The following MORC1 variants were observed in gnomAD, a reference collection of about 807,000 sequenced individuals.
MORC1 encodes MORC family CW-type zinc finger 1.
In MORC1, 59 loss-of-function variants were observed where a neutral mutation model predicts 134.9. The observed-to-expected ratio is 0.44, with a 90% CI of 0.35 to 0.54. The LOEUF (loss-of-function observed/expected upper bound fraction) is 0.54. Among genes scored for constraint, MORC1 ranks in the 20% least tolerant of loss-of-function variants. The pLI, the probability that MORC1 is intolerant of heterozygous loss-of-function variation, is 0.00. For missense variants in MORC1, 947 were observed against 1,134.5 expected (o/e 0.83, Z 2.37); for synonymous variants, 395 against 391.7 (o/e 1.01, Z -0.10).
chr3:109,017,535 A>G (rs1948844743), intron 17 of MORC1, among the ~76,000 whole-genome samples: 1 of 152,240 alleles, frequency 6.6e-6, no homozygotes, highest in African/African-American at 2.4e-5. Context: ...ACTAATAGAT[A>G]CATTTCAACT....
intron 14 of MORC1, among the ~76,000 whole-genome samples, chr3:109,046,818 A>G (rs971398146): frequency 6.6e-6 from 1 of 152,224 alleles, no homozygotes; most frequent in Admixed American, 6.5e-5. Context: ...TATCCATTTC[A>G]CACAGCTACC....
At chr3:109,048,946 C>T (rs1949756741) in intron 14 of MORC1, among the ~76,000 whole-genome samples, 1 of 152,060 alleles carries the variant, frequency 6.6e-6, no homozygotes, top group African/African-American at 2.4e-5. Flanking sequence ...CAGCCTATAA[C>T]ACCATAATAA....
intron 12 of MORC1, among the ~76,000 whole-genome samples, 191 bp from the exon 13 acceptor site, chr3:109,057,677 T>C (rs1230254892): frequency 1.4e-5 from 2 of 143,966 alleles, no homozygotes; most frequent in East Asian, 1.9e-4. Context: ...CCAGTAACTA[T>C]GCCAGTCAAA....
intron 9 of MORC1, among the ~76,000 whole-genome samples, chr3:109,065,450 G>A (rs1043072971): frequency 5.9e-5 from 9 of 152,108 alleles, no homozygotes; most frequent in Non-Finnish European, 1.2e-4. Flanking sequence ...GATATCTCCT[G>A]TGTTTTTTTT....
At chr3:109,030,200 C>T (rs4553978) in intron 16 of MORC1, among the ~76,000 whole-genome samples, 64,236 of 152,050 alleles carry the variant, frequency 0.42, 14,284 homozygotes, top group Middle Eastern at 0.55. Flanking sequence ...CTGCTACTCA[C>T]AGACTATTCC....
intron 23 of MORC1, among the ~76,000 whole-genome samples, chr3:108,982,939 T>G (rs1394125676): frequency 3.3e-4 from 17 of 52,090 alleles, no homozygotes; most frequent in South Asian, 1.1e-3. Context: ...CTAGTTTTGG[T>G]TTTTTTTTAA....
intron 2 of MORC1, among the ~76,000 whole-genome samples, chr3:109,111,191 C>A (rs1951162485): frequency 2.0e-5 from 3 of 150,314 alleles, no homozygotes; most frequent in Admixed American, 1.3e-4. Context: ...TTTTAAAGAA[C>A]ATACATGGAA....
chr3:109,028,863 G>A (rs978237190), intron 16 of MORC1, among the ~76,000 whole-genome samples: 3 of 152,170 alleles, frequency 2.0e-5, no homozygotes, highest in African/African-American at 7.2e-5. Flanking sequence ...AGACGCTGAG[G>A]TCAGTTCTTC....
intron 21 of MORC1, among the ~76,000 whole-genome samples, chr3:108,993,853 T>C (rs1304374398): frequency 6.6e-6 from 1 of 152,224 alleles, no homozygotes; most frequent in Non-Finnish European, 1.5e-5. Flanking sequence ...TGATTCGCTA[T>C]CATGTAGTAC....
chr3:108,998,526 G>C (rs1324581603), intron 21 of MORC1, among the ~76,000 whole-genome samples: 2 of 152,066 alleles, frequency 1.3e-5, no homozygotes. Context: ...TTAGCACTGA[G>C]TGCCTTCCTT....
chr3:109,095,027 T>A lies in MORC1; in HGVS notation c.465A>T (p.Glu155Asp). 2.5e-6 allele frequency: 4 copies of A among 1,591,740 alleles called. No individual in the cohort carries two copies. The highest frequency in any genetic ancestry group is 3.4e-6 in the Non-Finnish European group (4 of 1,173,768). The change falls in exon 7 of 28, where the codon GAA becomes GAT. Residue 155 changes from glutamate to aspartate, a missense_variant. By Grantham distance (45) the Glu-to-Asp change is conservative (BLOSUM62 2). Around this residue, in one of 3 missense-constraint regions of MORC1, gnomAD observed 214 missense variants for 281.3 expected, o/e 0.76. Coordinates refer to ENST00000232603, the MANE Select transcript of MORC1 (RefSeq NM_014429.4). Reference protein sequence around the residue: ...PMPSWLIRTRESVTDDPQKFA... With the variant: ...PMPSWLIRTRDSVTDDPQKFA... ...ATTTCTGGGGATCATCTGTGACAGA[T>A]TCTCTGGTTCTTATTAACCATGAGG...
intron 21 of MORC1, among the ~76,000 whole-genome samples, chr3:108,999,899 T>C (rs1396524207): frequency 2.0e-5 from 3 of 152,184 alleles, no homozygotes; most frequent in African/African-American, 4.8e-5. Context: ...GAAAGGACAC[T>C]ATATAACATA....
intron 22 of MORC1, 23 bp downstream of exon 22, chr3:108,986,857 T>C (rs773385564): frequency 2.1e-6 from 3 of 1,434,132 alleles, no homozygotes; most frequent in South Asian, 1.3e-5. Flanking sequence ...TATATATATA[T>C]ACATGAGCTG....
intron 6 of MORC1, 83 bp downstream of exon 6, chr3:109,099,275 C>A: frequency 1.1e-6 from 1 of 923,310 alleles, no homozygotes. Context: ...CAGAAAGAAC[C>A]CATGACAAGA....
chr3:109,091,172 G>A (rs879943337), intron 8 of MORC1, among the ~76,000 whole-genome samples: 7 of 152,062 alleles, frequency 4.6e-5, no homozygotes, highest in South Asian at 2.1e-4. Flanking sequence ...GGCCAGGTGC[G>A]GTGGCTCATG....
intron 21 of MORC1, among the ~76,000 whole-genome samples, chr3:108,993,318 C>T (rs140852051): frequency 1.3e-5 from 2 of 152,264 alleles, no homozygotes; most frequent in East Asian, 3.9e-4. Flanking sequence ...GACTTTAGCA[C>T]TTGAATATTT....
chr3:109,107,185 T>C (rs956610476), intron 3 of MORC1, among the ~76,000 whole-genome samples: 11 of 152,218 alleles, frequency 7.2e-5, no homozygotes, highest in Non-Finnish European at 1.5e-4. Context: ...CATATCAGAC[T>C]TCTTTTAGGA....
At chr3:108,965,509 G>T (rs1464870315) in intron 26 of MORC1, among the ~76,000 whole-genome samples, 2 of 152,170 alleles carry the variant, frequency 1.3e-5, no homozygotes, top group Admixed American at 6.5e-5. Flanking sequence ...TGGAAGGCCT[G>T]AGTGGATATG....
chr3:109,098,349 T>C (rs185686130), intron 6 of MORC1, among the ~76,000 whole-genome samples: 1 of 152,366 alleles, frequency 6.6e-6, no homozygotes, highest in African/African-American at 2.4e-5. Flanking sequence ...CAATTTTCCA[T>C]GCCCTTTACA....
Sources: gnomAD v4.1 joint callset for allele counts (sites outside exome capture counted in the v4.1 genomes callset) on GRCh38, gnomAD v4.1.1 for gene constraint, gnomAD v4.1.1 regional missense constraint, MANE v1.5 for transcripts, NCBI Gene and HGNC (gene_info 2026-07-23, HGNC 2026-07-21) for gene names.